CLSTN2: variants seen among roughly 807,000 people sequenced by gnomAD.
CLSTN2 encodes the protein calsyntenin-2.
A neutral mutation model predicts 101.2 loss-of-function variants in CLSTN2; 48 were observed. The observed-to-expected ratio is 0.47, with a 90% CI of 0.38 to 0.60. The LOEUF is 0.60. Ranked by LOEUF, CLSTN2 falls within the 20% of genes least tolerant of loss-of-function variation. The pLI is 0.00. For synonymous variants in CLSTN2, 481 were observed against 463.6 expected (o/e 1.04, Z -0.48); for missense variants, 1,160 against 1,238.2 (o/e 0.94, Z 0.95).
At chr3:140,560,553 T>C (rs544692343) in intron 12 of CLSTN2, among the ~76,000 whole-genome samples, 5 of 144,146 alleles carry the variant, frequency 3.5e-5, no homozygotes, top group African/African-American at 5.2e-5. Flanking sequence ...TAGCCCTTGG[T>C]GGTGATTTCC....
chr3:139,973,186 C>T (rs145254032), intron 1 of CLSTN2, among the ~76,000 whole-genome samples: 185 of 152,302 alleles, frequency 1.2e-3, no homozygotes, highest in Admixed American at 2.7e-3. Flanking sequence ...CTGGCAGGAG[C>T]GTGATCTGCC....
rs115623334 is a variant in CLSTN2, at chr3:140,459,445, C to T, written c.974-76C>T. The stretch of plus-strand genomic sequence containing the variant: ...CTGAGTAAGTACACTGAGTAGTTCA[C>T]CTTGACCCAGGAGCAGAAAACAGAT... On this transcript the variant is annotated intron_variant, in intron 6 of 16. Coordinates refer to ENST00000458420, the MANE Select transcript of CLSTN2 (RefSeq NM_022131.3). 14,090 of 1,553,562 alleles carry T rather than the reference C, an allele frequency of 9.1e-3. 82 individuals carry two copies. Among genetic ancestry groups the T allele is most frequent in the South Asian group, 0.013 (1,114 of 85,138 alleles).
At chr3:140,525,267 A>C (rs1023629943) in intron 8 of CLSTN2, among the ~76,000 whole-genome samples, 1 of 152,188 alleles carries the variant, frequency 6.6e-6, no homozygotes, top group Non-Finnish European at 1.5e-5. Context: ...ATGACATTAC[A>C]ATCAATCCCA....
intron 2 of CLSTN2, among the ~76,000 whole-genome samples, chr3:140,180,239 A>G (rs899074181): frequency 4.6e-5 from 7 of 152,218 alleles, no homozygotes; most frequent in Non-Finnish European, 1.0e-4. Flanking sequence ...CAACTTGCCC[A>G]GAATCCCAGA....
At chr3:140,117,748 C>T (rs1383842317) in intron 1 of CLSTN2, among the ~76,000 whole-genome samples, 2 of 152,166 alleles carry the variant, frequency 1.3e-5, no homozygotes, top group African/African-American at 4.8e-5. Flanking sequence ...ACAGCAGGGG[C>T]AGATGCAGTT....
intron 2 of CLSTN2, among the ~76,000 whole-genome samples, chr3:140,311,286 CCTTTTTTTTTTTT>C (rs1356154840): frequency 8.3e-4 from 71 of 85,324 alleles, no homozygotes; most frequent in Admixed American, 1.5e-3. Flanking sequence ...GGTTTATTAT[CCTTTTTTTTTTTT>C]TTTTTTTTTT....
At chr3:140,335,597 T>C (rs1030620510) in intron 2 of CLSTN2, among the ~76,000 whole-genome samples, 1 of 149,112 alleles carries the variant, frequency 6.7e-6, no homozygotes, top group Non-Finnish European at 1.5e-5. Context: ...AAAAGACAGC[T>C]AGGGTTTCAA....
intron 1 of CLSTN2, among the ~76,000 whole-genome samples, chr3:140,057,267 C>G (rs2008115330): frequency 6.6e-6 from 1 of 152,220 alleles, no homozygotes; most frequent in Non-Finnish European, 1.5e-5. Flanking sequence ...TGCTCCTAAC[C>G]CCTGCATTAG....
chr3:140,217,893 A>G (rs192651336), intron 2 of CLSTN2, among the ~76,000 whole-genome samples: 1 of 152,222 alleles, frequency 6.6e-6, no homozygotes, highest in African/African-American at 2.4e-5. Context: ...GAAGAAACCA[A>G]ACCTAATTTC....
chr3:140,097,881 G>A (rs2008897470), intron 1 of CLSTN2, among the ~76,000 whole-genome samples: 1 of 152,170 alleles, frequency 6.6e-6, no homozygotes, highest in African/African-American at 2.4e-5. Flanking sequence ...TACATTGGAT[G>A]TGAGTTCTCG....
intron 8 of CLSTN2, among the ~76,000 whole-genome samples, chr3:140,478,472 G>A (rs1488987762): frequency 1.3e-5 from 2 of 152,046 alleles, no homozygotes; most frequent in Non-Finnish European, 2.9e-5. Flanking sequence ...CTAAGTGAGA[G>A]AACCTAGATA....
chr3:140,473,744 G>T (rs376857762), intron 8 of CLSTN2, among the ~76,000 whole-genome samples: 1 of 149,068 alleles, frequency 6.7e-6, no homozygotes, highest in African/African-American at 2.5e-5. Context: ...GGTTTTTTGT[G>T]TTTTTTTTTT....
At chr3:140,034,156 T>C (rs1461880215) in intron 1 of CLSTN2, among the ~76,000 whole-genome samples, 2 of 152,230 alleles carry the variant, frequency 1.3e-5, no homozygotes, top group Non-Finnish European at 2.9e-5. Context: ...CTATTTGTTT[T>C]AGAGGTAGCT....
intron 2 of CLSTN2, among the ~76,000 whole-genome samples, chr3:140,210,209 G>GCCC (rs2107846062): frequency 6.6e-6 from 1 of 152,284 alleles, no homozygotes; most frequent in East Asian, 1.9e-4. Flanking sequence ...CGCTGTTTGT[G>GCCC]TTAGGGAAGG....
At chr3:140,326,660 G>A (rs1307754848) in intron 2 of CLSTN2, among the ~76,000 whole-genome samples, 1 of 152,138 alleles carries the variant, frequency 6.6e-6, no homozygotes, top group East Asian at 1.9e-4. Context: ...TTCTCCAAAA[G>A]CTACCACCCT....
intron 2 of CLSTN2, 64 bp downstream of exon 2, chr3:140,176,137 C>T (rs2107828976): frequency 5.7e-6 from 9 of 1,587,720 alleles, no homozygotes; most frequent in Non-Finnish European, 6.9e-6. Context: ...GAAACCTCCA[C>T]AAAGCCCAGA....
intron 6 of CLSTN2, among the ~76,000 whole-genome samples, chr3:140,457,997 T>C (rs535272980): frequency 6.6e-6 from 1 of 152,308 alleles, no homozygotes; most frequent in East Asian, 1.9e-4. Flanking sequence ...TAAGGATACA[T>C]GCTCTTCACA....
intron 8 of CLSTN2, among the ~76,000 whole-genome samples, chr3:140,479,066 C>T (rs1446256668): frequency 6.6e-6 from 1 of 152,084 alleles, no homozygotes; most frequent in African/African-American, 2.4e-5. Flanking sequence ...ATTCACAGAA[C>T]TGTGTATATA....
chr3:140,108,460 T>C (rs568785997), intron 1 of CLSTN2, among the ~76,000 whole-genome samples: 9 of 152,332 alleles, frequency 5.9e-5, no homozygotes, highest in Admixed American at 5.2e-4. Context: ...TCCCTGCCTC[T>C]TTCCATTCCC....
Sources: gnomAD v4.1 joint callset for allele counts (sites outside exome capture counted in the v4.1 genomes callset) on GRCh38, gnomAD v4.1.1 for gene constraint, MANE v1.5 for transcripts, NCBI Gene and HGNC (gene_info 2026-07-23, HGNC 2026-07-21) for gene names.